Variants in CIITA observed in about 807,000 individuals in gnomAD.
CIITA encodes the protein class II major histocompatibility complex transactivator, also known as MHC class II transactivator.
Under a neutral mutation model 115.1 loss-of-function variants are expected in CIITA, and 72 were observed. That is an observed-to-expected ratio of 0.63 (90% CI 0.52 to 0.76). The LOEUF is 0.76. CIITA is among the 30% of genes least tolerant of loss of function. CIITA has a pLI of 0.00. For missense variants in CIITA, 1,617 were observed against 1,463.8 expected, an observed-to-expected ratio of 1.10 and a Z score of -1.71; for synonymous variants, 763 against 635.6, an observed-to-expected ratio of 1.20 and a Z score of -3.02.
chr16:10,868,888 C>G (rs1054889047), intron 1 of CIITA, among the ~76,000 whole-genome samples: 3 of 152,232 alleles, frequency 2.0e-5, no homozygotes, highest in African/African-American at 7.2e-5. Flanking sequence ...GGGCAAGTTG[C>G]TCTTTTCCTG....
chr16:10,908,016 C>G lies in CIITA; in HGVS notation c.2524C>G (p.Pro842Ala). Reference sequence around the variant, plus strand: ...CTCTTTTCTGGGCACCCGCCTCACGCCTCCTGATGCACATGTACTGGGCAA... The same window carrying G: ...CTCTTTTCTGGGCACCCGCCTCACGGCTCCTGATGCACATGTACTGGGCAA... ...RLSFLGTRLT[P>A]PDAHVLGKAL... Residue 842 changes from proline to alanine, a missense_variant, in exon 11 of 20, where the codon CCT (proline) becomes GCT (alanine). Coordinates refer to ENST00000324288, the MANE Select transcript of CIITA (RefSeq NM_000246.4). The G allele has an allele frequency of 6.2e-7, 1 of 1,604,360 alleles. No individual in the cohort carries two copies. Among genetic ancestry groups the G allele is most frequent in the East Asian group, 2.2e-5 (1 of 44,648 alleles).
At chr16:10,894,804 C>T (rs2037955008) in intron 1 of CIITA, among the ~76,000 whole-genome samples, 1 of 152,216 alleles carries the variant, frequency 6.6e-6, no homozygotes, top group Admixed American at 6.5e-5. Context: ...CCTGGTTCCA[C>T]TTGGACATGG....
At chr16:10,939,570 T>G (rs1207391873), downstream of CIITA, 1 of 152,244 alleles carries the variant, frequency 6.6e-6, no homozygotes. The surrounding 1 kb of genome is among the most constrained non-coding windows in gnomAD (Gnocchi z 4.9). Flanking sequence ...TGGACTGCTT[T>G]TCTCCAGATC....
At chr16:10,916,821 T>C (rs925441362) in intron 15 of CIITA, 3 of 396,228 alleles carry the variant, frequency 7.6e-6, no homozygotes, top group Non-Finnish European at 9.4e-6. Flanking sequence ...ATCATTTCTT[T>C]ACTTACCCAA....
At chr16:10,904,237 G>A (rs2038982862) in intron 9 of CIITA, among the ~76,000 whole-genome samples, 1 of 152,032 alleles carries the variant, frequency 6.6e-6, no homozygotes, top group African/African-American at 2.4e-5. Context: ...TTTATTTATT[G>A]TTGAGATGGA....
rs1258720546 is a variant in CIITA, at chr16:10,877,363, C to A, written c.33C>A (p.Ser11=). ...GCCTGGCTCCACGCCCTGCTGGGTC[C>A]TACCTGTCAGAGCCCCAAGGTAAAA... MRCLAPRPAG[S]YLSEPQGSSQ... Residue 11 remains serine, a synonymous_variant, in exon 1 of 20, where the codon TCC becomes TCA. Transcript: ENST00000324288. 6.2e-7 allele frequency: 1 copy of A among 1,613,406 alleles called. No individual in the cohort carries two copies. The highest frequency in any genetic ancestry group is 1.7e-5 in the Admixed American group (1 of 59,958).
chr16:10,885,726 C>T (rs1225205040), intron 1 of CIITA, among the ~76,000 whole-genome samples: 1 of 152,166 alleles, frequency 6.6e-6, no homozygotes, highest in Admixed American at 6.5e-5. Flanking sequence ...CAAGCCATCA[C>T]CAGACAGCCT....
Position 10,907,163 on chromosome 16 carries a change from G to C in CIITA, c.1671G>C (p.Leu557=). Residue 557 remains leucine, a synonymous_variant, in exon 11 of 20, where the codon CTG becomes CTC. Coordinates refer to ENST00000324288, the MANE Select transcript of CIITA (RefSeq NM_000246.4). This position sits in a 1 kb window ranked among gnomAD's most constrained non-coding sequence, Gnocchi z 5.0. The stretch of plus-strand genomic sequence containing the variant: ...CCCGGGGCCGCCTGGTCCAGAGCCT[G>C]AGCAAGGCCGACGCCCTATTTGAGC... ...ARPRGRLVQS[L]SKADALFELS... The C allele has an allele frequency of 6.2e-7, 1 of 1,613,150 alleles. No homozygotes were observed. The highest frequency in any genetic ancestry group is 8.5e-7 in the Non-Finnish European group (1 of 1,179,874).
At chr16:10,886,884 A>T (rs2143887778) in intron 1 of CIITA, among the ~76,000 whole-genome samples, 1 of 152,254 alleles carries the variant, frequency 6.6e-6, no homozygotes, top group East Asian at 1.9e-4. Context: ...TGCTATTATT[A>T]TGTTTTGTCT....
chr16:10,877,667 G>A (rs557702614), intron 1 of CIITA, among the ~76,000 whole-genome samples: 1 of 152,284 alleles, frequency 6.6e-6, no homozygotes, highest in East Asian at 1.9e-4. Context: ...CTCTCAGCAT[G>A]CTGGCCTGGC....
intron 1 of CIITA, among the ~76,000 whole-genome samples, chr16:10,880,753 G>A (rs541068763): frequency 1.7e-4 from 26 of 152,284 alleles, no homozygotes; most frequent in South Asian, 4.1e-4. Flanking sequence ...AGGCAATCAG[G>A]GAAGTGGCTG....
intron 12 of CIITA, 117 bp downstream of exon 12, chr16:10,909,304 T>A: frequency 9.2e-7 from 1 of 1,083,430 alleles, no homozygotes; most frequent in Non-Finnish European, 1.4e-6. Context: ...GGACACCCCA[T>A]GCCCTCTTTC....
At chr16:10,885,712 A>C (rs2036879672) in intron 1 of CIITA, among the ~76,000 whole-genome samples, 2 of 152,148 alleles carry the variant, frequency 1.3e-5, no homozygotes. Context: ...TCTTGGGCAC[A>C]AATCAAGCCA....
rs867670774 is a variant in CIITA at position 10,942,134 on chromosome 16, C to A, written n.1260C>A. 53 of 664,040 alleles carry A rather than the reference C, an allele frequency of 8.0e-5. No individual in the cohort carries two copies. The African/African-American group carries it at 8.7e-4, about 11-fold the overall frequency. The allele number at this position is 664,040 out of a possible 1,614,324, so 41.1% of individuals were successfully genotyped here. A position where few individuals can be genotyped will look rare whatever the true frequency, so the allele number is the denominator to read the frequency against. On this transcript the variant is annotated non_coding_transcript_exon_variant, in exon 2 of 2. Coordinates refer to the CIITA transcript ENST00000573379. This position sits in a 1 kb window ranked among gnomAD's most constrained non-coding sequence, Gnocchi z 5.0. The stretch of plus-strand genomic sequence containing the variant: ...GGAGCCCGACAGAAGCAGGGCCGGG[C>A]TCCAGATGTCCCCTGGCAATTGCGC...
chr16:10,918,571 T>C, intron 16 of CIITA, 45 bp downstream of exon 16: 1 of 1,562,626 alleles, frequency 6.4e-7, no homozygotes, highest in African/African-American at 1.4e-5. Context: ...GCTGGGGGGC[T>C]GCAGAGCGCA....
At chr16:10,904,222 T>C (rs2038981962) in intron 9 of CIITA, among the ~76,000 whole-genome samples, 1 of 152,168 alleles carries the variant, frequency 6.6e-6, no homozygotes, top group South Asian at 2.1e-4. Flanking sequence ...ATTTTTATTT[T>C]ATTATTTATT....
Position 10,934,322 on chromosome 16 carries a change from G to C in CIITA, c.*10467G>C, listed in dbSNP as rs1567464962. On this transcript the variant is annotated 3_prime_UTR_variant, in exon 20 of 20. Transcript: ENST00000324288. This position sits in a 1 kb window ranked among gnomAD's most constrained non-coding sequence, Gnocchi z 4.2. ...TCACCATATAACACCCAAAGCAGTAGAATTTGTCATACACAGAAGGCAATG... is the reference window on the plus strand; with the variant it reads ...TCACCATATAACACCCAAAGCAGTACAATTTGTCATACACAGAAGGCAATG... 1.3e-5 allele frequency: 2 copies of C among 152,196 alleles called. No homozygotes were observed. Among genetic ancestry groups the C allele is most frequent in the African/African-American group, 4.8e-5 (2 of 41,428 alleles). 9.4% of individuals were successfully genotyped at this position (152,196 alleles called of 1,614,324 possible).
intron 1 of CIITA, among the ~76,000 whole-genome samples, chr16:10,889,961 G>A (rs2037380852): frequency 6.6e-6 from 1 of 152,140 alleles, no homozygotes; most frequent in South Asian, 2.1e-4. Context: ...AGCTCAAATG[G>A]GCATAACACT....
Position 10,922,212 on chromosome 16 carries a change from T to A in CIITA, c.3195T>A (p.Ala1065=). Reference sequence around the variant, plus strand: ...GCGACGTGGGAGCCGAGAGCTTGGCTCGTGTGCTTCCGGACATGGTGTCCC... The same window carrying A: ...GCGACGTGGGAGCCGAGAGCTTGGCACGTGTGCTTCCGGACATGGTGTCCC... The part of the protein sequence containing the change: ...CICDVGAESL[A]RVLPDMVSLR... The change falls in exon 17 of 20, where the codon GCT becomes GCA. Residue 1065 remains alanine (A), a synonymous_variant. Transcript: ENST00000324288. 1.9e-6 allele frequency: 3 copies of A among 1,614,254 alleles called. No individual in the cohort carries two copies. Among genetic ancestry groups the A allele is most frequent in the Non-Finnish European group, 1.7e-6 (2 of 1,180,042 alleles).
Sources: gnomAD v4.1 joint callset for allele counts (sites outside exome capture counted in the v4.1 genomes callset) on GRCh38, gnomAD v4.1.1 for gene constraint, Gnocchi (gnomAD v3.1) non-coding constraint, MANE v1.5 for transcripts, NCBI Gene and HGNC (gene_info 2026-07-23, HGNC 2026-07-21) for gene names.